Variants in ZNF273 observed in about 807,000 individuals in gnomAD.
ZNF273 encodes zinc finger protein 9.
A neutral mutation model predicts 14.9 loss-of-function variants in ZNF273; 11 were observed. That is an observed-to-expected ratio of 0.74 (90% CI 0.46 to 1.22). The LOEUF (loss-of-function observed/expected upper bound fraction) is 1.22. Among genes scored for constraint, ZNF273 ranks in the 50% most tolerant of loss-of-function variants. ZNF273 has a pLI of 0.00. For missense variants in ZNF273, 577 were observed against 660.6 expected, an observed-to-expected ratio of 0.87 and a Z score of 1.39; for synonymous variants, 199 against 223.9, an observed-to-expected ratio of 0.89 and a Z score of 0.99.
chr7:64,911,426 GC>G (rs1793504053), intron 1 of ZNF273, among the ~76,000 whole-genome samples: 1 of 151,928 alleles, frequency 6.6e-6, no homozygotes, highest in Non-Finnish European at 1.5e-5. Context: ...ACCATGCCTG[GC>G]TAATTTTGTA....
chr7:64,900,128 T>TTTTG (rs1309337398), upstream of ZNF273, among the ~76,000 whole-genome samples: 1 of 151,884 alleles, frequency 6.6e-6, no homozygotes, highest in Non-Finnish European at 1.5e-5. Flanking sequence ...CTTTTTTTTT[T>TTTTG]TTTGTTTGTT....
chr7:64,899,050 A>T (rs756917297), upstream of ZNF273, among the ~76,000 whole-genome samples: 9 of 152,252 alleles, frequency 5.9e-5, no homozygotes, highest in Non-Finnish European at 1.2e-4. Context: ...TGTATATAAC[A>T]TGCATTTTCC....
downstream of ZNF273, among the ~76,000 whole-genome samples, chr7:64,883,211 A>ACCCCCC (rs1234349552): frequency 1.9e-4 from 19 of 97,560 alleles, no homozygotes; most frequent in South Asian, 3.8e-4. Flanking sequence ...AGCCCAAATC[A>ACCCCCC]CCACCCCCCC....
rs374743448 is a variant in ZNF273 at position 64,906,531 on chromosome 7, A to G, written c.102+3112A>G. Among the ~76,000 whole-genome samples, 8 of 152,296 alleles carry G rather than the reference A, an allele frequency of 5.3e-5. No homozygotes were observed. In the South Asian group the frequency reaches 1.7e-3, roughly 32 times the overall value. Reference sequence around the variant, plus strand: ...CAAAAACCAAGTTAATACCTCTGACATGGAAATTAAAGCTTCAGCCCAGTG... The same window carrying G: ...CAAAAACCAAGTTAATACCTCTGACGTGGAAATTAAAGCTTCAGCCCAGTG... On this transcript the variant is annotated intron_variant, in intron 1 of 3. Transcript: ENST00000476120.
At chr7:64,910,646 A>G (rs1793426748) in intron 1 of ZNF273, among the ~76,000 whole-genome samples, 1 of 151,748 alleles carries the variant, frequency 6.6e-6, no homozygotes, top group South Asian at 2.1e-4. Flanking sequence ...CTTTTTGCTT[A>G]AGATTGCCTT....
upstream of ZNF273, among the ~76,000 whole-genome samples, chr7:64,902,903 G>T (rs1349728362): frequency 6.6e-6 from 1 of 152,192 alleles, no homozygotes; most frequent in Non-Finnish European, 1.5e-5. Context: ...AGGCAGGTTT[G>T]CCCTAAGCAG....
chr7:64,882,794 C>T (rs534908498), downstream of ZNF273: 15 of 152,446 alleles, frequency 9.8e-5, no homozygotes, highest in African/African-American at 3.6e-4. Context: ...GGGTGAGTCT[C>T]CTTAAACGTT....
At chr7:64,902,816 T>C (rs1792814512), upstream of ZNF273, among the ~76,000 whole-genome samples, 2 of 152,192 alleles carry the variant, frequency 1.3e-5, no homozygotes, top group Non-Finnish European at 2.9e-5. Context: ...TTTGAGTTCC[T>C]GATTAGCCTG....
intron 1 of ZNF273, among the ~76,000 whole-genome samples, chr7:64,914,747 G>A (rs979497819): frequency 6.6e-5 from 10 of 152,078 alleles, no homozygotes; most frequent in African/African-American, 2.2e-4. Flanking sequence ...AGAAACGGGC[G>A]GGCTTTATCT....
chr7:64,910,627 A>T (rs1793426189), intron 1 of ZNF273, among the ~76,000 whole-genome samples: 1 of 151,366 alleles, frequency 6.6e-6, no homozygotes, highest in South Asian at 2.1e-4. Context: ...TAATGACTCC[A>T]GCTTTGTTCT....
chr7:64,927,660 GTTCT>G lies in ZNF273; in HGVS notation c.333_336del (p.Ser112IlefsTer12), dbSNP rs781583143. 6.4e-7 allele frequency: 1 copy of G among 1,564,134 alleles called. No homozygotes were observed. Among genetic ancestry groups the G allele is most frequent in the Non-Finnish European group, 8.6e-7 (1 of 1,160,714 alleles). The stretch of plus-strand genomic sequence containing the variant: ...TTACTTTTATTTCTTTCAGTTGTGT[GTTCT>G]CATTTTGCCCAAGACCTTTGGCCAA... On this transcript the variant is annotated frameshift_variant, in exon 4 of 4. Coordinates refer to ENST00000476120, the MANE Select transcript of ZNF273 (RefSeq NM_021148.3). LOFTEE classifies it low-confidence loss of function (END_TRUNC).
intron 1 of ZNF273, among the ~76,000 whole-genome samples, chr7:64,912,062 G>T (rs1583990360): frequency 6.6e-6 from 1 of 152,186 alleles, no homozygotes; most frequent in Non-Finnish European, 1.5e-5. Context: ...GCGTTCAAGC[G>T]ATTTTTGTGC....
downstream of ZNF273, among the ~76,000 whole-genome samples, chr7:64,881,680 G>A (rs910827654): frequency 6.6e-6 from 1 of 152,096 alleles, no homozygotes; most frequent in Admixed American, 6.6e-5. Flanking sequence ...GACTTCAGGG[G>A]GCACAAGGGA....
intron 1 of ZNF273, among the ~76,000 whole-genome samples, chr7:64,911,277 A>AG (rs991362011): frequency 7.1e-6 from 1 of 141,454 alleles, no homozygotes; most frequent in African/African-American, 2.8e-5. Flanking sequence ...ATAGTGAACT[A>AG]GCCTTTTTTT....
In ZNF273 at chr7:64,921,637, T is replaced by TTTTTTTTTTG. The variant is rs750737426; in HGVS notation, c.325+3345_325+3346insTTTTTTTTTG. On this transcript the variant is annotated intron_variant, in intron 3 of 3. Transcript: ENST00000476120. ...TTTTTTTTTTTTTTTTTTTTTTTTT[T>TTTTTTTTTTG]GTGTGTGAGACAGAGTCTTGCTCTC... is the stretch of plus-strand genomic sequence containing the variant. 6.1e-4 allele frequency among the ~76,000 whole-genome samples: 18 copies of TTTTTTTTTTG among 29,574 alleles called. 2 individuals carry two copies. Among genetic ancestry groups the TTTTTTTTTTG allele is most frequent in the African/African-American group, 2.3e-3 (15 of 6,416 alleles). 19.4% of individuals were successfully genotyped at this position (29,574 alleles called of 152,430 possible).
At chr7:64,914,013 CTTTT>C (rs1279290335) in intron 1 of ZNF273, among the ~76,000 whole-genome samples, 1 of 151,080 alleles carries the variant, frequency 6.6e-6, no homozygotes, top group East Asian at 1.9e-4. Flanking sequence ...TCGTTTTCGC[CTTTT>C]TTTGTTTTTG....
chr7:64,927,614 GTC>G lies in ZNF273; in HGVS notation c.326-38_326-37del, dbSNP rs758875141. The stretch of plus-strand genomic sequence containing the variant: ...AGATTTGTAAAGTATATTCATCTGA[GTC>G]TAGTAAGTGGGGTAATTGTTACTTT... On this transcript the variant is annotated intron_variant, in intron 3 of 3. Transcript: ENST00000476120. The G allele has an allele frequency of 2.0e-6, 3 of 1,488,424 alleles. No individual in the cohort carries two copies. In the East Asian group the frequency reaches 6.8e-5, roughly 34 times the overall value. The allele number at this position is 1,488,424 out of a possible 1,614,324, so 92.2% of individuals were successfully genotyped here.
At chr7:64,932,586 G>C (rs755279861), downstream of ZNF273, among the ~76,000 whole-genome samples, 4 of 152,104 alleles carry the variant, frequency 2.6e-5, no homozygotes, top group Non-Finnish European at 2.9e-5. Flanking sequence ...TTACAGGCGC[G>C]AGCCACTGCG....
chr7:64,915,299 C>T (rs560661657), intron 1 of ZNF273, among the ~76,000 whole-genome samples: 6 of 151,388 alleles, frequency 4.0e-5, no homozygotes, highest in Non-Finnish European at 4.4e-5. Flanking sequence ...CCTAACCCAG[C>T]GGCGCTAGAG....
Sources: gnomAD v4.1 joint callset for allele counts (sites outside exome capture counted in the v4.1 genomes callset) on GRCh38, gnomAD v4.1.1 for gene constraint, MANE v1.5 for transcripts, NCBI Gene and HGNC (gene_info 2026-07-23, HGNC 2026-07-21) for gene names.